The following GPRC5A variants were observed in gnomAD, a reference collection of about 807,000 sequenced individuals.
GPRC5A encodes the protein G protein-coupled receptor class C group 5 member A.
Under a neutral mutation model 22.5 loss-of-function variants are expected in GPRC5A, and 19 were observed. The ratio of observed to expected loss-of-function variants is 0.85; its 90% confidence interval spans 0.59 to 1.24. The LOEUF (loss-of-function observed/expected upper bound fraction) is 1.24, where lower values mean the gene tolerates loss of function less well. Among genes scored for constraint, GPRC5A ranks in the 50% most tolerant of loss-of-function variants. The probability of loss-of-function intolerance (pLI) is 0.00; values close to 1 mark genes in which losing one functional copy is unlikely to be tolerated. For missense variants in GPRC5A, 471 were observed against 451.1 expected (o/e 1.04, Z -0.40); for synonymous variants, 192 against 184.5 (o/e 1.04, Z -0.33).
intron 2 of GPRC5A, among the ~76,000 whole-genome samples, chr12:12,910,509 AC>A (rs1382519937): frequency 6.6e-6 from 1 of 152,060 alleles, no homozygotes; most frequent in Non-Finnish European, 1.5e-5. Context: ...CCCCTGAGCC[AC>A]CCCATCCCAT....
At chr12:12,907,399 TC>T (rs1863953587) in intron 1 of GPRC5A, among the ~76,000 whole-genome samples, 2 of 41,284 alleles carry the variant, frequency 4.8e-5, no homozygotes, top group Non-Finnish European at 8.9e-5. Flanking sequence ...AGACTCTGTC[TC>T]AAAAAAAAAA....
chr12:12,893,818 A>G (rs1357380255), intron 1 of GPRC5A, among the ~76,000 whole-genome samples: 1 of 152,102 alleles, frequency 6.6e-6, no homozygotes, highest in Non-Finnish European at 1.5e-5. Flanking sequence ...CAGTGACGTG[A>G]TCTCGGCTCA....
chr12:12,901,965 T>C (rs897302612), intron 1 of GPRC5A, among the ~76,000 whole-genome samples: 25 of 152,218 alleles, frequency 1.6e-4, no homozygotes, highest in Admixed American at 6.5e-4. Context: ...CCTTTGCTCC[T>C]CTCCCAGGCT....
At position 12,894,778 on chromosome 12, in the gene GPRC5A, T is replaced by TTTTG. The variant is rs1396654846; in HGVS notation, c.-8+3117_-8+3118insGTTT. Among the ~76,000 whole-genome samples, 23 of 129,814 alleles carry TTTTG rather than the reference T, an allele frequency of 1.8e-4. No individual in the cohort carries two copies. In the South Asian group the frequency reaches 6.0e-3, roughly 34 times the overall value. 85.2% of individuals were successfully genotyped at this position (129,814 alleles called of 152,430 possible). On this transcript the variant is annotated intron_variant, in intron 1 of 3. Transcript: ENST00000014914. ...TGCATAAAAGTCTAGGATGGTTTTTTTTTTTTTTTTTTTTTTTTGAGACAG... is the reference window on the plus strand; with the variant it reads ...TGCATAAAAGTCTAGGATGGTTTTTTTTTGTTTTTTTTTTTTTTTTTTGAGACAG...
chr12:12,910,244 T>C (rs1174792934), intron 2 of GPRC5A, among the ~76,000 whole-genome samples: 5 of 152,152 alleles, frequency 3.3e-5, no homozygotes. Context: ...CTGGTGCTAC[T>C]CACTGCAGCT....
Position 12,915,147 on chromosome 12 carries a change from A to C in GPRC5A, c.*2608A>C, listed in dbSNP as rs1287117606. The C allele has an allele frequency of 2.0e-5, 3 of 150,412 alleles. No homozygotes were observed. The highest frequency in any genetic ancestry group is 4.4e-5 in the Non-Finnish European group (3 of 68,014). The allele number at this position is 150,412 out of a possible 1,614,324, so 9.3% of individuals were successfully genotyped here. ...GTGATTCTCCTGCCTCAGTCTCCTGAGTAGCTGGGACCACAGACGTGCACT... is the reference window on the plus strand; with the variant it reads ...GTGATTCTCCTGCCTCAGTCTCCTGCGTAGCTGGGACCACAGACGTGCACT... On this transcript the variant is annotated 3_prime_UTR_variant, in exon 4 of 4. Transcript: ENST00000014914.
At chr12:12,905,462 GA>G (rs1042482874) in intron 1 of GPRC5A, among the ~76,000 whole-genome samples, 1 of 151,834 alleles carries the variant, frequency 6.6e-6, no homozygotes, top group African/African-American at 2.4e-5. Context: ...AAAAACTCAA[GA>G]AAAAAAATCC....
intron 1 of GPRC5A, among the ~76,000 whole-genome samples, chr12:12,903,085 GA>G (rs915402911): frequency 6.7e-5 from 10 of 150,128 alleles, no homozygotes; most frequent in East Asian, 3.9e-4. Context: ...AAAGAAAAAA[GA>G]AAAAAAAATA....
Position 12,895,291 on chromosome 12 carries a change from C to T in GPRC5A, c.-8+3627C>T, listed in dbSNP as rs190361821. Among the ~76,000 whole-genome samples, 98 of 150,914 alleles carry T rather than the reference C, an allele frequency of 6.5e-4. 1 individual carries two copies. The South Asian group carries it at 0.012, about 18-fold the overall frequency. The stretch of plus-strand genomic sequence containing the variant: ...TTATGTTAGTATTTCTTTTTATTTT[C>T]ATTTCTTTCTGTTCTTTTGCTTTTA... On this transcript the variant is annotated intron_variant, in intron 1 of 3. Transcript: ENST00000014914.
intron 2 of GPRC5A, 98 bp from the exon 3 acceptor site, chr12:12,911,986 A>G: frequency 1.3e-6 from 1 of 757,074 alleles, no homozygotes; most frequent in African/African-American, 1.7e-5. Flanking sequence ...GAGACAGGCA[A>G]TTAAATGGGC....
At chr12:12,905,094 A>G (rs1244558264) in intron 1 of GPRC5A, among the ~76,000 whole-genome samples, 1 of 152,178 alleles carries the variant, frequency 6.6e-6, no homozygotes, top group Non-Finnish European at 1.5e-5. Flanking sequence ...CATGTTGGCC[A>G]GGCTGGTCTC....
At chr12:12,895,821 C>CTAAAAAAA (rs1863816912) in intron 1 of GPRC5A, among the ~76,000 whole-genome samples, 1 of 75,648 alleles carries the variant, frequency 1.3e-5, no homozygotes, top group Non-Finnish European at 2.3e-5. Flanking sequence ...ACTAAAAATA[C>CTAAAAAAA]AAAAAAAAAA....
Position 12,908,658 on chromosome 12 carries a change from C to CTGG in GPRC5A, c.410_412dup (p.Leu137_Ala138insVal). ...CCTTTCCCTGTTGGTGATTCTGGGT[C>CTGG]TGGCCGTGGGCTTCAGCCTAGTCCA... On this transcript the variant is annotated inframe_insertion, in exon 2 of 4. Transcript: ENST00000014914. The CTGG allele has an allele frequency of 6.2e-7, 1 of 1,613,818 alleles. No homozygotes were observed. The highest frequency in any genetic ancestry group is 1.7e-4 in the Middle Eastern group (1 of 6,058).
At chr12:12,903,342 G>C (rs1233013271) in intron 1 of GPRC5A, among the ~76,000 whole-genome samples, 1 of 152,120 alleles carries the variant, frequency 6.6e-6, no homozygotes, top group Non-Finnish European at 1.5e-5. Flanking sequence ...TTGCGGTGAC[G>C]TGATCACAGC....
intron 2 of GPRC5A, 61 bp from the exon 3 acceptor site, chr12:12,912,023 C>T: frequency 1.0e-6 from 1 of 969,012 alleles, no homozygotes; most frequent in Non-Finnish European, 1.7e-6. Context: ...ATAAGTGATA[C>T]AATGGGGTGA....
At chr12:12,899,006 G>C (rs933358856) in intron 1 of GPRC5A, among the ~76,000 whole-genome samples, 9 of 152,050 alleles carry the variant, frequency 5.9e-5, no homozygotes, top group Admixed American at 2.6e-4. Context: ...TCCAAGGGCA[G>C]TGGCCACAAT....
chr12:12,908,183 C>A, intron 1 of GPRC5A, 60 bp from the exon 2 acceptor site: 1 of 1,157,310 alleles, frequency 8.6e-7, no homozygotes, highest in South Asian at 1.5e-5. Flanking sequence ...TCTTCTGTGT[C>A]TGAGGACTGT....
intron 1 of GPRC5A, among the ~76,000 whole-genome samples, chr12:12,893,649 T>C (rs1271958032): frequency 2.0e-5 from 3 of 152,240 alleles, no homozygotes; most frequent in Non-Finnish European, 4.4e-5. Flanking sequence ...ATAGTTCCTA[T>C]TAAGCAATCA....
At chr12:12,900,421 G>A (rs535393657) in intron 1 of GPRC5A, among the ~76,000 whole-genome samples, 8 of 152,236 alleles carry the variant, frequency 5.3e-5, no homozygotes, top group African/African-American at 1.9e-4. Flanking sequence ...GGCTTTGAGA[G>A]GTCAAGTGAC....
Sources: allele counts gnomAD v4.1 joint callset (sites outside exome capture counted in the v4.1 genomes callset), GRCh38; gene constraint gnomAD v4.1.1; transcripts MANE v1.5; gene names NCBI Gene and HGNC (gene_info 2026-07-23, HGNC 2026-07-21).